Variants in GRSF1 observed in about 807,000 individuals in gnomAD.
GRSF1 encodes the protein G-rich RNA sequence binding factor 1, also known as G-rich sequence factor 1.
In GRSF1, 50 loss-of-function variants were observed where a neutral mutation model predicts 51.1. The ratio of observed to expected loss-of-function variants is 0.98; its 90% CI spans 0.78 to 1.24. The LOEUF is 1.24. GRSF1 is among the 50% of genes most tolerant of loss of function. The pLI, the probability that GRSF1 is intolerant of heterozygous loss-of-function variation, is 0.00. For missense variants in GRSF1, 700 were observed against 639.7 expected (o/e 1.09, Z -1.02); for synonymous variants, 293 against 253.3 (o/e 1.16, Z -1.49).
rs774281565 is a variant in GRSF1 at position 70,826,239 on chromosome 4, G to A, written c.1142C>T (p.Pro381Leu). Reference sequence around the variant, plus strand: ...TGGAAGCTTTTCTGGCACCTCCTTAGGCAATTCTGAGAGGTGGAACAGAAA... The same window carrying A: ...TGGAAGCTTTTCTGGCACCTCCTTAAGCAATTCTGAGAGGTGGAACAGAAA... The part of the protein sequence containing the change: ...AFESEKEIEL[P>L]KEVPEKLPEA... The change falls in exon 7 of 10, where the codon CCT (proline) becomes CTT (leucine). Residue 381 changes from proline (P) to leucine (L), a missense_variant. Pro to Leu is a moderately conservative substitution (Grantham distance 98). Transcript: ENST00000254799. 1 of 1,603,842 alleles carries A rather than the reference G, an allele frequency of 6.2e-7. No homozygotes were observed. The highest frequency in any genetic ancestry group is 1.8e-5 in the Admixed American group (1 of 56,524).
intron 5 of GRSF1, among the ~76,000 whole-genome samples, chr4:70,831,211 C>T (rs1306238082): frequency 2.0e-5 from 3 of 151,900 alleles, no homozygotes; most frequent in Non-Finnish European, 4.4e-5. Context: ...CAAAAAAAGC[C>T]GGGCATGGTG....
In GRSF1 at chr4:70,817,655, TATTC is replaced by T. The variant is rs1269006506; in HGVS notation, c.*3228_*3231del. 28 of 152,212 alleles carry T rather than the reference TATTC, an allele frequency of 1.8e-4. No individual in the cohort carries two copies. Among genetic ancestry groups the T allele is most frequent in the South Asian group, 2.1e-4 (1 of 4,830 alleles). 9.4% of individuals were successfully genotyped at this position (152,212 alleles called of 1,614,324 possible). A position where few individuals can be genotyped will look rare whatever the true frequency, so the allele number is the denominator to read the frequency against. On this transcript the variant is annotated 3_prime_UTR_variant, in exon 10 of 10. Coordinates refer to ENST00000254799, the MANE Select transcript of GRSF1 (RefSeq NM_002092.4). ...GAGGGTGAGGAGCTACAGGAACTCTTATTCATTGTCAATGGGAATTCAAAATAGT... is the reference window on the plus strand; with the variant it reads ...GAGGGTGAGGAGCTACAGGAACTCTTATTGTCAATGGGAATTCAAAATAGT...
rs536126736 is a variant in GRSF1 at position 70,820,401 on chromosome 4, A to G, written c.*486T>C. ...ATTCTGCCAAACCATACCAGTTCAA[A>G]GGTCTGAAACCGTTCTTTGCTTTGG... On this transcript the variant is annotated 3_prime_UTR_variant, in exon 10 of 10. Coordinates refer to ENST00000254799, the MANE Select transcript of GRSF1 (RefSeq NM_002092.4). 2 of 152,726 alleles carry G rather than the reference A, an allele frequency of 1.3e-5. No individual in the cohort carries two copies. The highest frequency in any genetic ancestry group is 4.1e-4 in the South Asian group (2 of 4,832). The allele number at this position is 152,726 out of a possible 1,614,324, so 9.5% of individuals were successfully genotyped here. A position where few individuals can be genotyped will look rare whatever the true frequency, so the allele number is the denominator to read the frequency against.
At chr4:70,834,248 G>C (rs558115315) in intron 2 of GRSF1, among the ~76,000 whole-genome samples, 161 of 151,718 alleles carry the variant, frequency 1.1e-3, no homozygotes, top group African/African-American at 3.7e-3. Flanking sequence ...GACAGAGCAA[G>C]ACTCCATCTC....
At chr4:70,832,516 A>G in intron 3 of GRSF1, 66 bp from the exon 4 acceptor site, 4 of 912,138 alleles carry the variant, frequency 4.4e-6, no homozygotes, top group Non-Finnish European at 6.8e-6. Flanking sequence ...CATTAAAAAA[A>G]ATCATTACAA....
rs745927814 is a variant in GRSF1 at position 70,831,664 on chromosome 4, T to G, written c.825A>C (p.Ile275=). 6.2e-7 allele frequency: 1 copy of G among 1,613,054 alleles called. No homozygotes were observed. The highest frequency in any genetic ancestry group is 8.5e-7 in the Non-Finnish European group (1 of 1,179,454). The change falls in exon 5 of 10, where the codon ATA becomes ATC. Residue 275 remains isoleucine (I), a synonymous_variant. Coordinates refer to ENST00000254799, the MANE Select transcript of GRSF1 (RefSeq NM_002092.4). ...DIVDFFAGLN[I]VDITFVMDYR... ...AGTCCATCACAAAAGTAATGTCAACTATATTCAGTCCTAGGACACCAAGAG... is the reference window on the plus strand; with the variant it reads ...AGTCCATCACAAAAGTAATGTCAACGATATTCAGTCCTAGGACACCAAGAG...
Position 70,818,737 on chromosome 4 carries a change from A to G in GRSF1, c.*2150T>C, listed in dbSNP as rs563451737. On this transcript the variant is annotated 3_prime_UTR_variant, in exon 10 of 10. Coordinates refer to ENST00000254799, the MANE Select transcript of GRSF1 (RefSeq NM_002092.4). ...AAAGCAGGATATGAGCACCCTGACC[A>G]TATGCCCCACTCCCACTATTCTTCC... is the stretch of plus-strand genomic sequence containing the variant. 6.6e-6 allele frequency: 1 copy of G among 152,268 alleles called. No homozygotes were observed. The highest frequency in any genetic ancestry group is 6.5e-5 in the Admixed American group (1 of 15,288). The allele number at this position is 152,268 out of a possible 1,614,324, so 9.4% of individuals were successfully genotyped here. A position where few individuals can be genotyped will look rare whatever the true frequency, so the allele number is the denominator to read the frequency against.
intron 9 of GRSF1, 41 bp from the exon 10 acceptor site, chr4:70,820,902 GA>G: frequency 6.6e-6 from 1 of 152,460 alleles, no homozygotes; most frequent in Non-Finnish European, 1.5e-5. Flanking sequence ...TACTCAAGAT[GA>G]AAAAGGATGG....
chr4:70,819,863 G>GA lies in GRSF1; in HGVS notation c.*1023dup, dbSNP rs200791731. The GA allele has an allele frequency of 0.027, 4,101 of 152,714 alleles. 80 individuals carry two copies. Among genetic ancestry groups the GA allele is most frequent in the Middle Eastern group, 0.054 (16 of 294 alleles). 9.5% of individuals were successfully genotyped at this position (152,714 alleles called of 1,614,324 possible). The stretch of plus-strand genomic sequence containing the variant: ...TAACAAGCTGTTTAATATTAAAGCA[G>GA]AAAGTACTGCCACATTGTGACAGAA... On this transcript the variant is annotated 3_prime_UTR_variant, in exon 10 of 10. Transcript: ENST00000254799.
rs767088119 is a variant in GRSF1 at position 70,829,513 on chromosome 4, G to T, written c.951-1477C>A. ...CTACAAAAATACAAAAATTAGCTGG[G>T]TGTGGTGGCATGTATCTGTAGTCCC... On this transcript the variant is annotated intron_variant, in intron 5 of 9. Transcript: ENST00000254799. Among the ~76,000 whole-genome samples the T allele has an allele frequency of 1.2e-4, 18 of 152,192 alleles. No individual in the cohort carries two copies. The East Asian group carries it at 3.5e-3, about 29-fold the overall frequency.
chr4:70,822,400 T>C (rs991243694), intron 9 of GRSF1, among the ~76,000 whole-genome samples: 4 of 151,802 alleles, frequency 2.6e-5, no homozygotes, highest in Admixed American at 1.3e-4. Context: ...CTGGCCAACA[T>C]GGTGAAACCC....
At chr4:70,828,966 A>G (rs572003144) in intron 5 of GRSF1, among the ~76,000 whole-genome samples, 116 of 151,946 alleles carry the variant, frequency 7.6e-4, no homozygotes, top group Non-Finnish European at 1.4e-3. Flanking sequence ...CTCAAACTCC[A>G]GACCTCAGGT....
intron 2 of GRSF1, among the ~76,000 whole-genome samples, chr4:70,833,666 T>C (rs1734073799): frequency 6.6e-6 from 1 of 152,180 alleles, no homozygotes; most frequent in Admixed American, 6.5e-5. Flanking sequence ...CCTGTATGAG[T>C]AATTTTATTA....
chr4:70,836,045 T>C (rs889812720), intron 2 of GRSF1, 113 bp downstream of exon 2: 11 of 568,674 alleles, frequency 1.9e-5, no homozygotes, highest in Admixed American at 4.0e-5. Flanking sequence ...TGACATGGAT[T>C]TGTAGCACTA....
At position 70,839,503 on chromosome 4, in the gene GRSF1, C is replaced by T; in HGVS notation, c.325G>A (p.Ala109Thr). 23 of 1,424,962 alleles carry T rather than the reference C, an allele frequency of 1.6e-5. No homozygotes were observed. The highest frequency in any genetic ancestry group is 2.1e-5 in the Non-Finnish European group (23 of 1,097,958). 88.3% of individuals were successfully genotyped at this position (1,424,962 alleles called of 1,614,324 possible). The change falls in exon 1 of 10, where the codon GCG (alanine) becomes ACG (threonine). Residue 109 changes from alanine to threonine, a missense_variant. By Grantham distance (58) the Ala-to-Thr change is moderately conservative (BLOSUM62 0). Transcript: ENST00000254799. ...ASLLPQSLAA[A>T]AAVPTRSYSQ... ...TAGCTGCGCGTCGGGACGGCGGCCG[C>T]CGCCGCCAGCGACTGCGGCAGCAGA...
chr4:70,822,737 G>A (rs1464587053), intron 9 of GRSF1, among the ~76,000 whole-genome samples: 1 of 152,132 alleles, frequency 6.6e-6, no homozygotes. Context: ...ACAGCATGAT[G>A]TTGGAAATTA....
intron 5 of GRSF1, among the ~76,000 whole-genome samples, chr4:70,828,288 T>C (rs1210120800): frequency 6.6e-6 from 1 of 152,246 alleles, no homozygotes; most frequent in African/African-American, 2.4e-5. Context: ...TAATATTTTC[T>C]ACTCTGTTTT....
Position 70,819,968 on chromosome 4 carries a change from C to G in GRSF1, c.*919G>C, listed in dbSNP as rs1733440325. ...TTTAAGCAAGGCACCCCTACTTGTT[C>G]TAAAATATGGGATGTACTACTCCAT... On this transcript the variant is annotated 3_prime_UTR_variant, in exon 10 of 10. Coordinates refer to ENST00000254799, the MANE Select transcript of GRSF1 (RefSeq NM_002092.4). The G allele has an allele frequency of 6.6e-6, 1 of 152,624 alleles. No individual in the cohort carries two copies. The highest frequency in any genetic ancestry group is 6.5e-5 in the Admixed American group (1 of 15,278). The allele number at this position is 152,624 out of a possible 1,614,324, so 9.5% of individuals were successfully genotyped here.
chr4:70,818,794 A>G lies in GRSF1; in HGVS notation c.*2093T>C, dbSNP rs1463224752. 6.6e-6 allele frequency: 1 copy of G among 152,226 alleles called. No homozygotes were observed. Among genetic ancestry groups the G allele is most frequent in the South Asian group, 2.1e-4 (1 of 4,830 alleles). 9.4% of individuals were successfully genotyped at this position (152,226 alleles called of 1,614,324 possible). Reference sequence around the variant, plus strand: ...CTTTACCACAAAGGAAGTTATAGACACAAGGAACCCAAACAGAAGGAAATT... The same window carrying G: ...CTTTACCACAAAGGAAGTTATAGACGCAAGGAACCCAAACAGAAGGAAATT... On this transcript the variant is annotated 3_prime_UTR_variant, in exon 10 of 10. Coordinates refer to ENST00000254799, the MANE Select transcript of GRSF1 (RefSeq NM_002092.4).
Sources: gnomAD v4.1 joint callset for allele counts (sites outside exome capture counted in the v4.1 genomes callset) on GRCh38, gnomAD v4.1.1 for gene constraint, MANE v1.5 for transcripts, NCBI Gene and HGNC (gene_info 2026-07-23, HGNC 2026-07-21) for gene names.